The following TMEM141 variants were observed in gnomAD, a reference collection of about 807,000 sequenced individuals.
TMEM141 encodes transmembrane protein 141.
A neutral mutation model predicts 15.9 loss-of-function variants in TMEM141; 18 were observed. The ratio of observed to expected loss-of-function variants is 1.13; its 90% CI spans 0.78 to 1.68. TMEM141 has a LOEUF of 1.68. Ranked by LOEUF, TMEM141 falls within the 40% of genes most tolerant of loss-of-function variation. The pLI, the probability that TMEM141 is intolerant of heterozygous loss-of-function variation, is 0.00. For synonymous variants in TMEM141, 69 were observed against 54.0 expected (o/e 1.28, Z -1.22); for missense variants, 161 against 139.5 (o/e 1.15, Z -0.78).
intron 4 of TMEM141, 41 bp from the exon 5 acceptor site, chr9:136,792,778 G>A (rs371577105): frequency 4.4e-5 from 66 of 1,488,032 alleles, no homozygotes; most frequent in Admixed American, 6.5e-5. Context: ...GCCCAGCCAC[G>A]ATGGATGTGG....
intron 1 of TMEM141, 21 bp from the exon 2 acceptor site, chr9:136,791,690 C>T: frequency 6.2e-7 from 1 of 1,610,092 alleles, no homozygotes; most frequent in Non-Finnish European, 8.5e-7. Flanking sequence ...ATCGAGCCTT[C>T]ACCCGCCTCT....
intron 1 of TMEM141, 78 bp downstream of exon 1, chr9:136,791,502 G>A: frequency 6.5e-7 from 1 of 1,547,032 alleles, no homozygotes. Context: ...GGGCGTGGGG[G>A]TGCCCTCGTC....
Position 136,791,720 on chromosome 9 carries a change from G to T in TMEM141, c.64G>T (p.Glu22Ter), listed in dbSNP as rs373433296. 6.2e-7 allele frequency: 1 copy of T among 1,613,284 alleles called. No homozygotes were observed. The highest frequency in any genetic ancestry group is 8.5e-7 in the Non-Finnish European group (1 of 1,179,918). ...AVAAKHPGLG[E>*]YAACQSHAFM... is the part of the protein sequence containing the mutation. Reference sequence around the variant, plus strand: ...GCCTCTGCCACCCCAGGGACTCGGGGAGTATGCCGCATGCCAGTCACACGC... The same window carrying T: ...GCCTCTGCCACCCCAGGGACTCGGGTAGTATGCCGCATGCCAGTCACACGC... Residue 22 changes from glutamate (E) to a stop codon, truncating the protein, a stop_gained, in exon 2 of 5, where the codon GAG (glutamate) becomes TAG (stop). Transcript: ENST00000290079. LOFTEE classifies it high-confidence loss of function.
At chr9:136,792,685 C>A in intron 4 of TMEM141, 134 bp from the exon 5 acceptor site, 1 of 699,462 alleles carries the variant, frequency 1.4e-6, no homozygotes, top group Non-Finnish European at 2.4e-6. Context: ...AGAAGCCCCG[C>A]ATTGGACCCA....
In TMEM141 at chr9:136,792,219, GC is replaced by G. The variant is rs377721196; in HGVS notation, c.206-28del. 369 of 1,547,946 alleles carry G rather than the reference GC, an allele frequency of 2.4e-4. 2 individuals are homozygous for G. In the East Asian group the frequency reaches 4.8e-3, roughly 20 times the overall value. On this transcript the variant is annotated intron_variant, in intron 3 of 4. Transcript: ENST00000290079. Reference sequence around the variant, plus strand: ...TTCTCTTAGCCTGGGAAGCACAGAGGCCCCAGCCCTCTTCCATTTCCTGCTC... The same window carrying G: ...TTCTCTTAGCCTGGGAAGCACAGAGGCCCAGCCCTCTTCCATTTCCTGCTC...
At position 136,791,708 on chromosome 9, in the gene TMEM141, C is replaced by T; in HGVS notation, c.55-3C>T. The T allele has an allele frequency of 6.2e-7, 1 of 1,613,010 alleles. No homozygotes were observed. Among genetic ancestry groups the T allele is most frequent in the East Asian group, 2.2e-5 (1 of 44,874 alleles). On this transcript the variant is annotated splice_polypyrimidine_tract_variant and splice_region_variant and intron_variant, in intron 1 of 4. Coordinates refer to ENST00000290079, the MANE Select transcript of TMEM141 (RefSeq NM_032928.4). ...GAGCCTTCACCCGCCTCTGCCACCC[C>T]AGGGACTCGGGGAGTATGCCGCATG...
In TMEM141 at chr9:136,792,970, GC is replaced by G; in HGVS notation, c.*140del. 2 of 1,213,544 alleles carry G rather than the reference GC, an allele frequency of 1.6e-6. No individual in the cohort carries two copies. The highest frequency in any genetic ancestry group is 2.1e-6 in the Non-Finnish European group (2 of 954,426). 75.2% of individuals were successfully genotyped at this position (1,213,544 alleles called of 1,614,324 possible). On this transcript the variant is annotated 3_prime_UTR_variant, in exon 5 of 5. Coordinates refer to ENST00000290079, the MANE Select transcript of TMEM141 (RefSeq NM_032928.4). ...ATCCTCTGTCCGCATGTGTGGCCAG[GC>G]CTGACAAACACCTGCAGATGGCTGC...
rs200661925 is a variant in TMEM141, at chr9:136,791,979, A to G, written c.154A>G (p.Ile52Val). ...CATGGCCTTTGGCTTGCAGATGTTCATTCAGAGGAAGTTTCCATACCCTTT... is the reference window on the plus strand; with the variant it reads ...CATGGCCTTTGGCTTGCAGATGTTCGTTCAGAGGAAGTTTCCATACCCTTT... The part of the protein sequence containing the change: ...TGMAFGLQMF[I>V]QRKFPYPLQW... The change falls in exon 3 of 5, where the codon ATT becomes GTT. Residue 52 changes from isoleucine to valine, a missense_variant. Ile to Val is a conservative substitution (Grantham distance 29). Coordinates refer to ENST00000290079, the MANE Select transcript of TMEM141 (RefSeq NM_032928.4). 6.2e-7 allele frequency: 1 copy of G among 1,614,068 alleles called. No homozygotes were observed. The highest frequency in any genetic ancestry group is 1.7e-5 in the Admixed American group (1 of 60,024).
rs1204652052 is a variant in TMEM141 at position 136,791,695 on chromosome 9, G to T, written c.55-16G>T. On this transcript the variant is annotated splice_polypyrimidine_tract_variant and intron_variant, in intron 1 of 4. Coordinates refer to ENST00000290079, the MANE Select transcript of TMEM141 (RefSeq NM_032928.4). ...AGGGCAGGGGATCGAGCCTTCACCCGCCTCTGCCACCCCAGGGACTCGGGG... is the reference window on the plus strand; with the variant it reads ...AGGGCAGGGGATCGAGCCTTCACCCTCCTCTGCCACCCCAGGGACTCGGGG... 6.2e-7 allele frequency: 1 copy of T among 1,612,012 alleles called. No individual in the cohort carries two copies. Among genetic ancestry groups the T allele is most frequent in the South Asian group, 1.1e-5 (1 of 90,986 alleles).
Position 136,791,576 on chromosome 9 carries a change from A to C in TMEM141, c.55-135A>C, listed in dbSNP as rs556015871. On this transcript the variant is annotated intron_variant, in intron 1 of 4. Coordinates refer to ENST00000290079, the MANE Select transcript of TMEM141 (RefSeq NM_032928.4). The stretch of plus-strand genomic sequence containing the variant: ...AGGGGCTCAGGGCGTCCGGGTGGGC[A>C]TAGGGGAGGTGGGACGTGTCCAAGC... The C allele has an allele frequency of 2.7e-5, 42 of 1,566,764 alleles. No homozygotes were observed. The African/African-American group carries it at 4.9e-4, about 18-fold the overall frequency.
In TMEM141 at chr9:136,792,235, A is replaced by G. The variant is rs1847598430; in HGVS notation, c.206-16A>G. 2.6e-6 allele frequency: 4 copies of G among 1,565,828 alleles called. No individual in the cohort carries two copies. The highest frequency in any genetic ancestry group is 1.4e-5 in the African/African-American group (1 of 73,572). On this transcript the variant is annotated splice_polypyrimidine_tract_variant and intron_variant, in intron 3 of 4. Coordinates refer to ENST00000290079, the MANE Select transcript of TMEM141 (RefSeq NM_032928.4). ...AGCACAGAGGCCCCAGCCCTCTTCC[A>G]TTTCCTGCTCCACAGTTGCAGGCTC... is the stretch of plus-strand genomic sequence containing the variant.
At position 136,791,382 on chromosome 9, in the gene TMEM141, G is replaced by T. The variant is rs868723242; in HGVS notation, c.12G>T (p.Leu4Phe). 1 of 1,561,940 alleles carries T rather than the reference G, an allele frequency of 6.4e-7. No individual in the cohort carries two copies. The highest frequency in any genetic ancestry group is 8.7e-7 in the Non-Finnish European group (1 of 1,153,446). The change falls in exon 1 of 5, where the codon TTG becomes TTT. Residue 4 changes from leucine (L) to phenylalanine (F), a missense_variant. Coordinates refer to ENST00000290079, the MANE Select transcript of TMEM141 (RefSeq NM_032928.4). ...GAGCCCTGCCAACCATGGTGAACTT[G>T]GGTCTGTCCCGGGTGGACGACGCCG... MVN[L>F]GLSRVDDAVA...
chr9:136,792,898 CCT>C lies in TMEM141; in HGVS notation c.*67_*68del, dbSNP rs1386739533. The stretch of plus-strand genomic sequence containing the variant: ...AGTCTGGAACACAGCCTTCATGCCC[CCT>C]GACCCCAGGCCGACCCTCCCCACAC... On this transcript the variant is annotated 3_prime_UTR_variant, in exon 5 of 5. Coordinates refer to ENST00000290079, the MANE Select transcript of TMEM141 (RefSeq NM_032928.4). 1.4e-6 allele frequency: 2 copies of C among 1,451,886 alleles called. No homozygotes were observed. Among genetic ancestry groups the C allele is most frequent in the African/African-American group, 1.4e-5 (1 of 69,462 alleles). 89.9% of individuals were successfully genotyped at this position (1,451,886 alleles called of 1,614,324 possible). A position where few individuals can be genotyped will look rare whatever the true frequency, so the allele number is the denominator to read the frequency against.
Position 136,792,351 on chromosome 9 carries a change from G to C in TMEM141, c.306G>C (p.Arg102Ser). The change falls in exon 4 of 5, where the codon AGG (arginine) becomes AGC (serine). Residue 102 changes from arginine to serine, a missense_variant. By Grantham distance (110) the Arg-to-Ser change is moderately radical (BLOSUM62 -1). Coordinates refer to ENST00000290079, the MANE Select transcript of TMEM141 (RefSeq NM_032928.4). ...AGACCGGGCAGCTCCCCAAAGACAG[G>C]AGCACAGGTGAGAGAGCCTGGGGGT... ...FLETGQLPKD[R>S]STDQRS 6.4e-7 allele frequency: 1 copy of C among 1,571,216 alleles called. No homozygotes were observed. Among genetic ancestry groups the C allele is most frequent in the Non-Finnish European group, 8.6e-7 (1 of 1,157,688 alleles).
At chr9:136,791,500 G>T in intron 1 of TMEM141, 76 bp downstream of exon 1, 1 of 1,547,456 alleles carries the variant, frequency 6.5e-7, no homozygotes, top group East Asian at 2.4e-5. Context: ...CGGGGCGTGG[G>T]GGTGCCCTCG....
chr9:136,791,388 G>A lies in TMEM141; in HGVS notation c.18G>A (p.Leu6=). The change falls in exon 1 of 5, where the codon CTG becomes CTA. Residue 6 remains leucine, a synonymous_variant. Transcript: ENST00000290079. MVNLG[L]SRVDDAVAAK... ...TGCCAACCATGGTGAACTTGGGTCT[G>A]TCCCGGGTGGACGACGCCGTGGCTG... 1.3e-6 allele frequency: 2 copies of A among 1,561,306 alleles called. No homozygotes were observed. The highest frequency in any genetic ancestry group is 1.7e-6 in the Non-Finnish European group (2 of 1,153,106).
At chr9:136,791,575 C>G (rs1847590124) in intron 1 of TMEM141, 136 bp from the exon 2 acceptor site, 1 of 1,566,140 alleles carries the variant, frequency 6.4e-7, no homozygotes, top group African/African-American at 1.3e-5. Context: ...TCCGGGTGGG[C>G]ATAGGGGAGG....
Position 136,792,281 on chromosome 9 carries a change from C to T in TMEM141, c.236C>T (p.Thr79Met), listed in dbSNP as rs375076549. 12 of 1,588,140 alleles carry T rather than the reference C, an allele frequency of 7.6e-6. No homozygotes were observed. Among genetic ancestry groups the T allele is most frequent in the South Asian group, 4.6e-5 (4 of 87,248 alleles). Reference sequence around the variant, plus strand: ...GGCTCTGTGGTCAGCTACGGGGTGACGAGAGTGGAGTCGGAGAAATGCAAC... The same window carrying T: ...GGCTCTGTGGTCAGCTACGGGGTGATGAGAGTGGAGTCGGAGAAATGCAAC... ...VAGSVVSYGV[T>M]RVESEKCNNL... The change falls in exon 4 of 5, where the codon ACG (threonine) becomes ATG (methionine). Residue 79 changes from threonine (T) to methionine (M), a missense_variant. By Grantham distance (81) the Thr-to-Met change is moderately conservative (BLOSUM62 -1). Transcript: ENST00000290079.
In TMEM141 at chr9:136,791,431, A is replaced by T. The variant is rs1296889692; in HGVS notation, c.54+7A>T. The stretch of plus-strand genomic sequence containing the variant: ...CGTGGCTGCCAAGCACCCGGTGAGA[A>T]GGCCGGTCTGGGACGCGGGCCTCAA... On this transcript the variant is annotated splice_region_variant and intron_variant, in intron 1 of 4. Transcript: ENST00000290079. 2 of 1,554,684 alleles carry T rather than the reference A, an allele frequency of 1.3e-6. No individual in the cohort carries two copies. Among genetic ancestry groups the T allele is most frequent in the East Asian group, 4.9e-5 (2 of 41,226 alleles).
Sources: gnomAD v4.1 joint callset for allele counts on GRCh38, gnomAD v4.1.1 for gene constraint, MANE v1.5 for transcripts, NCBI Gene and HGNC (gene_info 2026-07-23, HGNC 2026-07-21) for gene names.